PTPRG: variants seen among roughly 807,000 people sequenced by gnomAD.
The protein encoded by PTPRG is receptor-type tyrosine-protein phosphatase gamma.
In PTPRG, 102 loss-of-function variants were observed where a neutral mutation model predicts 165.3. The ratio of observed to expected loss-of-function variants is 0.62; its 90% CI spans 0.53 to 0.73. The LOEUF (loss-of-function observed/expected upper bound fraction) is 0.73. Ranked by LOEUF, PTPRG falls within the 30% of genes least tolerant of loss-of-function variation. The pLI is 0.00. For synonymous variants in PTPRG, 675 were observed against 669.5 expected (o/e 1.01, Z -0.13); for missense variants, 1,866 against 1,861.4 (o/e 1.00, Z -0.05).
chr3:61,665,632 T>C (rs1340347371), intron 1 of PTPRG, among the ~76,000 whole-genome samples: 3 of 151,582 alleles, frequency 2.0e-5, no homozygotes, highest in Admixed American at 6.6e-5. Flanking sequence ...TAGGCCAGGC[T>C]AGGCAACCTA....
At chr3:62,085,383 G>A (rs1445471291) in intron 5 of PTPRG, among the ~76,000 whole-genome samples, 1 of 152,134 alleles carries the variant, frequency 6.6e-6, no homozygotes, top group Admixed American at 6.5e-5. Flanking sequence ...GGCTCCATTG[G>A]ATCAAACATG....
chr3:61,933,172 G>T (rs1365046571), intron 2 of PTPRG, among the ~76,000 whole-genome samples: 2 of 152,142 alleles, frequency 1.3e-5, no homozygotes. Flanking sequence ...TGGAGCTGGG[G>T]TCTATGTGGA....
intron 2 of PTPRG, among the ~76,000 whole-genome samples, chr3:61,824,771 A>G (rs2036059851): frequency 2.0e-5 from 3 of 152,238 alleles, no homozygotes; most frequent in Admixed American, 2.0e-4. Context: ...AGCCTGGGCA[A>G]CAAAGCAAGA....
intron 1 of PTPRG, among the ~76,000 whole-genome samples, chr3:61,713,164 G>A (rs9829511): frequency 2.2e-3 from 248 of 111,826 alleles, no homozygotes; most frequent in Non-Finnish European, 4.4e-3. Context: ...CATCAAATAT[G>A]TTTTTTTTTT....
At chr3:62,289,863 G>A (rs886941377) in intron 28 of PTPRG, among the ~76,000 whole-genome samples, 2 of 151,924 alleles carry the variant, frequency 1.3e-5, no homozygotes, top group African/African-American at 4.8e-5. Flanking sequence ...GTTCTAGCAC[G>A]TAAGCCTATC....
chr3:62,003,020 C>T (rs2041211123), intron 3 of PTPRG, among the ~76,000 whole-genome samples: 1 of 152,236 alleles, frequency 6.6e-6, no homozygotes, highest in African/African-American at 2.4e-5. Flanking sequence ...ATGATTTTGA[C>T]CATCAAGCAG....
At chr3:62,290,182 AAAC>A (rs1332170645) in intron 28 of PTPRG, among the ~76,000 whole-genome samples, 1 of 152,160 alleles carries the variant, frequency 6.6e-6, no homozygotes, top group Non-Finnish European at 1.5e-5. Context: ...ACTATAAAGA[AAAC>A]AATAAAACCT....
chr3:61,978,720 G>T (rs1170569435), intron 2 of PTPRG, among the ~76,000 whole-genome samples: 1 of 152,202 alleles, frequency 6.6e-6, no homozygotes, highest in Admixed American at 6.5e-5. Flanking sequence ...TGTAAGGGCA[G>T]ATGATAAATA....
At chr3:62,098,641 C>T (rs1182839473) in intron 5 of PTPRG, among the ~76,000 whole-genome samples, 1 of 152,144 alleles carries the variant, frequency 6.6e-6, no homozygotes, top group Non-Finnish European at 1.5e-5. Context: ...GGCACCCAGA[C>T]CCTGTAGCTT....
intron 2 of PTPRG, among the ~76,000 whole-genome samples, chr3:61,946,192 C>G (rs890531151): frequency 2.6e-5 from 4 of 152,180 alleles, no homozygotes; most frequent in Non-Finnish European, 5.9e-5. Context: ...TCAACTTCAC[C>G]TTCCCTAGCA....
intron 2 of PTPRG, among the ~76,000 whole-genome samples, chr3:61,843,843 C>A (rs1170204062): frequency 6.6e-6 from 1 of 151,428 alleles, no homozygotes; most frequent in Non-Finnish European, 1.5e-5. Context: ...AAACAAAAAA[C>A]CCAGTTTTCC....
intron 1 of PTPRG, among the ~76,000 whole-genome samples, chr3:61,707,355 G>T (rs943777526): frequency 6.6e-6 from 1 of 152,224 alleles, no homozygotes. Context: ...ATTATGGGGG[G>T]TGACAAGTTC....
chr3:61,853,655 C>T (rs1233273918), intron 2 of PTPRG, among the ~76,000 whole-genome samples: 6 of 152,204 alleles, frequency 3.9e-5, no homozygotes, highest in Admixed American at 2.0e-4. Flanking sequence ...GAGATGGTGA[C>T]AGATAATAAA....
At chr3:62,131,663 A>C (rs904148246) in intron 5 of PTPRG, among the ~76,000 whole-genome samples, 8 of 152,136 alleles carry the variant, frequency 5.3e-5, no homozygotes, top group African/African-American at 1.9e-4. Flanking sequence ...AGATTTTTGA[A>C]AAACTCTTTA....
intron 1 of PTPRG, among the ~76,000 whole-genome samples, chr3:61,677,141 A>G (rs1703261040): frequency 6.6e-6 from 1 of 150,556 alleles, no homozygotes; most frequent in Admixed American, 6.7e-5. Context: ...GCTACTCGAG[A>G]GGCTGAGGCA....
At chr3:61,855,761 G>C (rs116683545) in intron 2 of PTPRG, among the ~76,000 whole-genome samples, 1 of 149,484 alleles carries the variant, frequency 6.7e-6, no homozygotes, top group African/African-American at 2.5e-5. Context: ...GGTGCTTCAG[G>C]CCTCACATTA....
At chr3:62,198,122 G>A (rs1057382448) in intron 10 of PTPRG, among the ~76,000 whole-genome samples, 1 of 152,060 alleles carries the variant, frequency 6.6e-6, no homozygotes, top group Non-Finnish European at 1.5e-5. Flanking sequence ...ATGTAACATT[G>A]CAATAAATAT....
At chr3:61,640,081 T>C (rs1208389896) in intron 1 of PTPRG, among the ~76,000 whole-genome samples, 2 of 152,222 alleles carry the variant, frequency 1.3e-5, no homozygotes, top group Non-Finnish European at 2.9e-5. Context: ...TGGGTTTGCA[T>C]TCCACTGGAG....
chr3:61,971,610 G>C (rs1028994576), intron 2 of PTPRG, among the ~76,000 whole-genome samples: 6 of 152,200 alleles, frequency 3.9e-5, no homozygotes, highest in African/African-American at 1.4e-4. Context: ...CTTCAAAACT[G>C]TTCCTAGAAG....
Sources: gnomAD v4.1 joint callset for allele counts (sites outside exome capture counted in the v4.1 genomes callset) on GRCh38, gnomAD v4.1.1 for gene constraint, MANE v1.5 for transcripts, NCBI Gene and HGNC (gene_info 2026-07-23, HGNC 2026-07-21) for gene names.